Variants in SDK2 observed in about 807,000 individuals in gnomAD.
SDK2 encodes the protein protein sidekick-2.
In SDK2, 105 loss-of-function variants were observed where a neutral mutation model predicts 253.9. The observed-to-expected ratio is 0.41, with a 90% CI of 0.35 to 0.49. The LOEUF (loss-of-function observed/expected upper bound fraction) is 0.49. Ranked by LOEUF, SDK2 falls within the 20% of genes least tolerant of loss-of-function variation. The probability of loss-of-function intolerance (pLI) is 0.06; values close to 1 mark genes in which losing one functional copy is unlikely to be tolerated. For synonymous variants in SDK2, 1,249 were observed against 1,234.9 expected (o/e 1.01, Z -0.24); for missense variants, 2,608 against 3,003.0 (o/e 0.87, Z 3.07).
chr17:73,450,527 A>G (rs1249765072), intron 4 of SDK2, among the ~76,000 whole-genome samples: 1 of 152,170 alleles, frequency 6.6e-6, no homozygotes, highest in Non-Finnish European at 1.5e-5. Flanking sequence ...AGCAGCTTCA[A>G]GCCTCCAGTG....
rs372517362 is a variant in SDK2 at position 73,639,056 on chromosome 17, G to A, written c.64+4969C>T. Among the ~76,000 whole-genome samples the A allele has an allele frequency of 2.0e-5, 3 of 152,096 alleles. No homozygotes were observed. The highest frequency in any genetic ancestry group is 1.9e-4 in the East Asian group (1 of 5,158). ...AACTCCTGACCTCAAGTGATCTGCCGGCCTCGGCCTCCCAAAGTGCTGGGA... is the reference window on the plus strand; with the variant it reads ...AACTCCTGACCTCAAGTGATCTGCCAGCCTCGGCCTCCCAAAGTGCTGGGA... On this transcript the variant is annotated intron_variant, in intron 1 of 44. Coordinates refer to ENST00000392650, the MANE Select transcript of SDK2 (RefSeq NM_001144952.2). The surrounding 1 kb of genome is among the most constrained non-coding windows in gnomAD (Gnocchi z 4.3).
In SDK2 at chr17:73,435,671, C is replaced by A; in HGVS notation, c.1001-27G>T. The A allele has an allele frequency of 1.3e-6, 2 of 1,520,046 alleles. No homozygotes were observed. The highest frequency in any genetic ancestry group is 1.2e-5 in the South Asian group (1 of 81,218). 94.2% of individuals were successfully genotyped at this position (1,520,046 alleles called of 1,614,324 possible). ...TGTGGGCAAGACGTGGGCCCACCGTCAACCTGCCTCCTGCCTCCTCTCCGC... is the reference window on the plus strand; with the variant it reads ...TGTGGGCAAGACGTGGGCCCACCGTAAACCTGCCTCCTGCCTCCTCTCCGC... On this transcript the variant is annotated intron_variant, in intron 8 of 44. Coordinates refer to ENST00000392650, the MANE Select transcript of SDK2 (RefSeq NM_001144952.2). The surrounding 1 kb of genome is among the most constrained non-coding windows in gnomAD (Gnocchi z 5.7).
Position 73,629,010 on chromosome 17 carries a change from G to C in SDK2, c.64+15015C>G, listed in dbSNP as rs1398081831. ...CTCCCAATTCTGCTGATTCCTACGT[G>C]GGGGATGGTGCCAAGGAGGGTCCAG... On this transcript the variant is annotated intron_variant, in intron 1 of 44. Transcript: ENST00000392650. This position sits in a 1 kb window ranked among gnomAD's most constrained non-coding sequence, Gnocchi z 5.0. 6.6e-6 allele frequency among the ~76,000 whole-genome samples: 1 copy of C among 152,176 alleles called. No individual in the cohort carries two copies. The highest frequency in any genetic ancestry group is 1.5e-5 in the Non-Finnish European group (1 of 68,038).
intron 8 of SDK2, among the ~76,000 whole-genome samples, chr17:73,436,047 C>T (rs1230807139): frequency 6.6e-6 from 1 of 152,122 alleles, no homozygotes; most frequent in East Asian, 1.9e-4. Context: ...AGCCACTGCA[C>T]CTGGCCTAAT....
At chr17:73,428,789 G>C (rs2063304008) in intron 12 of SDK2, among the ~76,000 whole-genome samples, 1 of 152,142 alleles carries the variant, frequency 6.6e-6, no homozygotes, top group Non-Finnish European at 1.5e-5. Context: ...AAGACAGACT[G>C]GGGTGGGAGC....
At chr17:73,422,210 C>A in intron 15 of SDK2, 77 bp downstream of exon 15, 3 of 1,538,546 alleles carry the variant, frequency 1.9e-6, no homozygotes, top group Non-Finnish European at 2.7e-6. Context: ...GAGCCAGAAT[C>A]TGCCACATCG....
intron 1 of SDK2, among the ~76,000 whole-genome samples, chr17:73,575,916 G>A (rs895323528): frequency 7.9e-5 from 12 of 152,152 alleles, no homozygotes; most frequent in African/African-American, 2.9e-4. Flanking sequence ...GGTATAAAAA[G>A]GGAGAGCAAA....
At chr17:73,640,514 G>C (rs565884031) in intron 1 of SDK2, among the ~76,000 whole-genome samples, 3 of 152,046 alleles carry the variant, frequency 2.0e-5, no homozygotes, top group Non-Finnish European at 4.4e-5. Flanking sequence ...TTCCACTCTC[G>C]AGTGGGGCTT....
At position 73,355,159 on chromosome 17, in the gene SDK2, C is replaced by CATATATATATATATATATATAT. The variant is rs1555750469; in HGVS notation, c.5594-2523_5594-2522insATATATATATATATATATATAT. 9.1e-4 allele frequency among the ~76,000 whole-genome samples: 44 copies of CATATATATATATATATATATAT among 48,580 alleles called. 3 individuals carry two copies. The highest frequency in any genetic ancestry group is 4.1e-3 in the East Asian group (3 of 726). 31.9% of individuals were successfully genotyped at this position (48,580 alleles called of 152,430 possible). A position where few individuals can be genotyped will look rare whatever the true frequency, so the allele number is the denominator to read the frequency against. On this transcript the variant is annotated intron_variant, in intron 40 of 44. Transcript: ENST00000392650. ...TTTGAGCCTCTGCCTCCTACACCTCCATATATATATATATATTTTTTTTTT... is the reference window on the plus strand; with the variant it reads ...TTTGAGCCTCTGCCTCCTACACCTCCATATATATATATATATATATATATATATATATATATATTTTTTTTTT...
chr17:73,510,717 C>T (rs1162378768), intron 1 of SDK2, among the ~76,000 whole-genome samples: 1 of 152,138 alleles, frequency 6.6e-6, no homozygotes, highest in Non-Finnish European at 1.5e-5. Context: ...TGGTCTTGAA[C>T]TCCTGACCTC....
At chr17:73,625,794 G>A (rs750393260) in intron 1 of SDK2, among the ~76,000 whole-genome samples, 15 of 152,030 alleles carry the variant, frequency 9.9e-5, no homozygotes, top group South Asian at 2.1e-4. Flanking sequence ...ACAGGTGCCC[G>A]CCACCACACC....
chr17:73,361,045 G>A lies in SDK2; in HGVS notation c.5467+639C>T, dbSNP rs1490336700. 2.0e-5 allele frequency among the ~76,000 whole-genome samples: 3 copies of A among 151,642 alleles called. No individual in the cohort carries two copies. Among genetic ancestry groups the A allele is most frequent in the South Asian group, 4.2e-4 (2 of 4,784 alleles). On this transcript the variant is annotated intron_variant, in intron 39 of 44. Transcript: ENST00000392650. The surrounding 1 kb of genome is among the most constrained non-coding windows in gnomAD (Gnocchi z 4.1). Reference sequence around the variant, plus strand: ...AGTTACACACAAAAGGGCGTTCTGCGGAGGGGGTGGGTGGTGAGGTGGGGG... The same window carrying A: ...AGTTACACACAAAAGGGCGTTCTGCAGAGGGGGTGGGTGGTGAGGTGGGGG...
chr17:73,479,445 G>A (rs914535722), intron 2 of SDK2, among the ~76,000 whole-genome samples: 5 of 152,226 alleles, frequency 3.3e-5, no homozygotes, highest in Non-Finnish European at 5.9e-5. Context: ...CACTGGACTG[G>A]TGGCCGGCTA....
Position 73,511,250 on chromosome 17 carries a change from T to A in SDK2, c.65-3653A>T, listed in dbSNP as rs2063978016. ...ACGATCCAGCCCCTGGGTGATTAAA[T>A]CCCTTCCATGTGGGGCTGACTCAGA... On this transcript the variant is annotated intron_variant, in intron 1 of 44. Transcript: ENST00000392650. The surrounding 1 kb of genome is among the most constrained non-coding windows in gnomAD (Gnocchi z 4.9). 6.6e-6 allele frequency among the ~76,000 whole-genome samples: 1 copy of A among 152,174 alleles called. No homozygotes were observed. The highest frequency in any genetic ancestry group is 1.5e-5 in the Non-Finnish European group (1 of 68,028).
In SDK2 at chr17:73,335,521, CA is replaced by C. The variant is rs1181285844; in HGVS notation, c.*3065del. 6.6e-6 allele frequency: 1 copy of C among 152,228 alleles called. No individual in the cohort carries two copies. Among genetic ancestry groups the C allele is most frequent in the African/African-American group, 2.4e-5 (1 of 41,436 alleles). 9.4% of individuals were successfully genotyped at this position (152,228 alleles called of 1,614,324 possible). A position where few individuals can be genotyped will look rare whatever the true frequency, so the allele number is the denominator to read the frequency against. ...GGACGGTTGGGAGCCTCGGCTGTGC[CA>C]GTAGATATGTAAACAAGGGCAAAGA... On this transcript the variant is annotated 3_prime_UTR_variant, in exon 45 of 45. Transcript: ENST00000392650.
At chr17:73,542,353 G>C (rs1380846989) in intron 1 of SDK2, among the ~76,000 whole-genome samples, 1 of 152,232 alleles carries the variant, frequency 6.6e-6, no homozygotes, top group African/African-American at 2.4e-5. Context: ...CTACAAGAGA[G>C]AGCAGGGGTC....
chr17:73,381,138 G>A (rs2062827658), intron 33 of SDK2, among the ~76,000 whole-genome samples, 188 bp from the exon 34 acceptor site: 1 of 152,208 alleles, frequency 6.6e-6, no homozygotes, highest in Non-Finnish European at 1.5e-5. Flanking sequence ...TGTGGGGGCA[G>A]GGGAAGGTGG....
At chr17:73,595,332 C>T (rs1274128279) in intron 1 of SDK2, among the ~76,000 whole-genome samples, 1 of 152,034 alleles carries the variant, frequency 6.6e-6, no homozygotes, top group African/African-American at 2.4e-5. Flanking sequence ...TAATGAATGC[C>T]GTTTGTGGTG....
intron 1 of SDK2, chr17:73,640,959 C>G (rs1364256538): frequency 6.6e-6 from 1 of 152,188 alleles, no homozygotes; most frequent in Non-Finnish European, 1.5e-5. Flanking sequence ...GGAAATCTCT[C>G]GAGACTCTAG....
Sources: gnomAD v4.1 joint callset for allele counts (sites outside exome capture counted in the v4.1 genomes callset) on GRCh38, gnomAD v4.1.1 for gene constraint, Gnocchi (gnomAD v3.1) non-coding constraint, MANE v1.5 for transcripts, NCBI Gene and HGNC (gene_info 2026-07-23, HGNC 2026-07-21) for gene names.